The following INTS12 variants were observed in gnomAD, a reference collection of about 807,000 sequenced individuals.
INTS12 encodes integrator complex subunit 12.
INTS12 carries 13 observed loss-of-function variants against 41.6 expected under a neutral mutation model. The ratio of observed to expected loss-of-function variants is 0.31; its 90% CI spans 0.20 to 0.50. INTS12 has a LOEUF of 0.50. INTS12 is among the 20% of genes least tolerant of loss of function. The pLI, the probability that INTS12 is intolerant of heterozygous loss-of-function variation, is 0.98. For missense variants in INTS12, 432 were observed against 541.6 expected, an observed-to-expected ratio of 0.80 and a Z score of 2.01; for synonymous variants, 199 against 191.4, an observed-to-expected ratio of 1.04 and a Z score of -0.33.
At chr4:105,702,810 A>C (rs1732130169) in intron 2 of INTS12, 1 of 849,904 alleles carries the variant, frequency 1.2e-6, no homozygotes, top group Non-Finnish European at 1.4e-6. Flanking sequence ...CACCAAACAG[A>C]AAACAGTAGT....
At chr4:105,689,814 G>A (rs1356548476) in intron 6 of INTS12, among the ~76,000 whole-genome samples, 1 of 152,184 alleles carries the variant, frequency 6.6e-6, no homozygotes, top group African/African-American at 2.4e-5. Flanking sequence ...GCTGAGGTGG[G>A]AGGATTGCTT....
At position 105,683,160 on chromosome 4, in the gene INTS12, G is replaced by A; in HGVS notation, c.962C>T (p.Pro321Leu). The change falls in exon 8 of 8, where the codon CCT becomes CTT. Residue 321 changes from proline to leucine, a missense_variant. Pro to Leu is a moderately conservative substitution (Grantham distance 98, BLOSUM62 -3). This residue lies in a region of INTS12 where 258 missense variants were observed against 309.9 expected (regional missense o/e 0.83). Coordinates refer to ENST00000340139, the MANE Select transcript of INTS12 (RefSeq NM_020395.4). ...TTTCTGGTTAGCTGACGAAGTAGCA[G>A]GTTTCCCAGTATTGTTTTGTGTTGT... ...SSTTQNNTGKPATSSANQKPV... is the reference protein window; with the variant it reads ...SSTTQNNTGKLATSSANQKPV... The A allele has an allele frequency of 6.2e-7, 1 of 1,614,098 alleles. No homozygotes were observed. Among genetic ancestry groups the A allele is most frequent in the Non-Finnish European group, 8.5e-7 (1 of 1,179,964 alleles).
At chr4:105,707,462 G>A (rs1184571258) in intron 1 of INTS12, among the ~76,000 whole-genome samples, 1 of 152,000 alleles carries the variant, frequency 6.6e-6, no homozygotes, top group African/African-American at 2.4e-5. Context: ...CTGGAATTAA[G>A]TGATCAAAGT....
intron 2 of INTS12, among the ~76,000 whole-genome samples, chr4:105,700,735 A>ACACACACT (rs1553954237): frequency 2.1e-4 from 32 of 151,864 alleles, no homozygotes; most frequent in African/African-American, 7.5e-4. Context: ...ACACACACAC[A>ACACACACT]CACACACACA....
intron 6 of INTS12, among the ~76,000 whole-genome samples, chr4:105,687,660 C>A (rs1395730030): frequency 2.0e-5 from 3 of 152,154 alleles, no homozygotes; most frequent in African/African-American, 7.2e-5. Flanking sequence ...AACCCAGCAA[C>A]TGGCTGGGTG....
chr4:105,705,592 G>C (rs1447957136), intron 1 of INTS12: 1 of 152,148 alleles, frequency 6.6e-6, no homozygotes, highest in Non-Finnish European at 1.5e-5. Flanking sequence ...ACACATAGTT[G>C]ACACTCATTA....
intron 1 of INTS12, among the ~76,000 whole-genome samples, chr4:105,706,980 G>A (rs1732294272): frequency 6.6e-6 from 1 of 152,074 alleles, no homozygotes; most frequent in Non-Finnish European, 1.5e-5. Context: ...AATTCTTGCT[G>A]AGAAGTTAGG....
At chr4:105,684,822 G>T (rs1467012239) in intron 7 of INTS12, among the ~76,000 whole-genome samples, 1 of 151,932 alleles carries the variant, frequency 6.6e-6, no homozygotes, top group Non-Finnish European at 1.5e-5. Context: ...TCTGCCATAT[G>T]GTTAAATGAT....
intron 6 of INTS12, among the ~76,000 whole-genome samples, chr4:105,689,397 G>A (rs141226582): frequency 4.6e-4 from 70 of 152,304 alleles, no homozygotes; most frequent in African/African-American, 1.7e-3. Context: ...TAGAATGACT[G>A]TATTTAGAAT....
intron 6 of INTS12, among the ~76,000 whole-genome samples, chr4:105,687,301 A>G (rs911463244): frequency 3.9e-5 from 6 of 152,244 alleles, no homozygotes; most frequent in Non-Finnish European, 1.5e-5. Context: ...TTTTAAATAT[A>G]GAACAGGGAG....
At chr4:105,697,266 C>T (rs898300403) in intron 3 of INTS12, among the ~76,000 whole-genome samples, 22 of 152,168 alleles carry the variant, frequency 1.4e-4, no homozygotes, top group Admixed American at 1.3e-3. Context: ...TCTTGGAATT[C>T]CCCCTCCCCC....
rs1196906424 is a variant in INTS12 at position 105,683,073 on chromosome 4, G to C, written c.1049C>G (p.Ser350Cys). Residue 350 changes from serine to cysteine, a missense_variant, in exon 8 of 8, where the codon TCC becomes TGC. Physicochemically the swap from Ser to Cys is moderately radical, Grantham distance 112. This residue lies in a region of INTS12 where 258 missense variants were observed against 309.9 expected (regional missense o/e 0.83). Transcript: ENST00000340139. ...TACAGTGGGCGTAGTGCTGTTATTG[G>C]AACCTATTTTGGAACCTATTCCACC... ...SKGGIGSKIG[S>C]NNSTTPTVPL... The C allele has an allele frequency of 6.2e-7, 1 of 1,613,930 alleles. No homozygotes were observed. The highest frequency in any genetic ancestry group is 8.5e-7 in the Non-Finnish European group (1 of 1,179,934).
chr4:105,686,820 G>C lies in INTS12; in HGVS notation c.676C>G (p.Pro226Ala). ...ACTGCAGGGGCTGGTTTCTGCGGTGGTTTCTGAGTTTTTTGAGCCTGCAAA... is the reference window on the plus strand; with the variant it reads ...ACTGCAGGGGCTGGTTTCTGCGGTGCTTTCTGAGTTTTTTGAGCCTGCAAA... ...MKRMAQKTQKPPQKPAPAVVS... is the reference protein window; with the variant it reads ...MKRMAQKTQKAPQKPAPAVVS... Residue 226 changes from proline to alanine, a missense_variant, in exon 7 of 8, where the codon CCA (proline) becomes GCA (alanine). Pro to Ala is a conservative substitution (Grantham distance 27, BLOSUM62 -1). Coordinates refer to ENST00000340139, the MANE Select transcript of INTS12 (RefSeq NM_020395.4). 6.2e-7 allele frequency: 1 copy of C among 1,613,764 alleles called. No homozygotes were observed. Among genetic ancestry groups the C allele is most frequent in the African/African-American group, 1.3e-5 (1 of 75,008 alleles).
chr4:105,701,029 T>C (rs1450474741), intron 2 of INTS12, among the ~76,000 whole-genome samples: 1 of 152,142 alleles, frequency 6.6e-6, no homozygotes, highest in Non-Finnish European at 1.5e-5. Flanking sequence ...GCAGCACACT[T>C]GCATTGCTAT....
At chr4:105,694,317 T>C (rs1339440321) in intron 4 of INTS12, among the ~76,000 whole-genome samples, 4 of 152,102 alleles carry the variant, frequency 2.6e-5, no homozygotes, top group African/African-American at 4.8e-5. Context: ...ACACACAGTA[T>C]GATAACATTT....
intron 1 of INTS12, chr4:105,708,227 C>T: frequency 2.0e-6 from 2 of 985,420 alleles, no homozygotes; most frequent in Non-Finnish European, 2.4e-6. Flanking sequence ...TGACAGCAAA[C>T]ACTTAGAAAA....
chr4:105,683,394 G>A, intron 7 of INTS12, 77 bp from the exon 8 acceptor site: 2 of 1,108,486 alleles, frequency 1.8e-6, no homozygotes, highest in South Asian at 1.7e-5. Context: ...GTTATGAATT[G>A]GGAAATTTAA....
chr4:105,698,170 A>G (rs1731937641), intron 3 of INTS12, among the ~76,000 whole-genome samples: 1 of 152,240 alleles, frequency 6.6e-6, no homozygotes, highest in Non-Finnish European at 1.5e-5. Flanking sequence ...TTGTTGACGG[A>G]TGAGTTAAGT....
intron 6 of INTS12, among the ~76,000 whole-genome samples, chr4:105,691,478 G>A (rs1040527907): frequency 9.2e-5 from 14 of 152,212 alleles, no homozygotes; most frequent in Admixed American, 2.6e-4. Context: ...ATGGTCACTT[G>A]AGGACAATGA....
Sources: gnomAD v4.1 joint callset for allele counts (sites outside exome capture counted in the v4.1 genomes callset) on GRCh38, gnomAD v4.1.1 for gene constraint, gnomAD v4.1.1 regional missense constraint, MANE v1.5 for transcripts, NCBI Gene and HGNC (gene_info 2026-07-23, HGNC 2026-07-21) for gene names.